Variants in HYAL4 observed in about 807,000 individuals in gnomAD.
The protein encoded by HYAL4 is hyaluronidase-4.
In HYAL4, 37 loss-of-function variants were observed where a neutral mutation model predicts 35.2. The observed-to-expected ratio is 1.05, with a 90% CI of 0.81 to 1.38. HYAL4 has a LOEUF of 1.38. HYAL4 is among the 40% of genes most tolerant of loss of function. HYAL4 has a pLI of 0.00. For missense variants in HYAL4, 572 were observed against 572.4 expected (o/e 1.00, Z 0.01); for synonymous variants, 198 against 203.2 (o/e 0.97, Z 0.22).
At chr7:123,764,409 T>TA in the HYAL4 span, among the ~76,000 whole-genome samples, 1 of 152,236 alleles carries the variant, frequency 6.6e-6, no homozygotes, top group Non-Finnish European at 1.5e-5. Context: ...GAATTGAACT[T>TA]ATTTGTACTT....
chr7:123,839,144 C>T (rs1448491222), intron 1 of HYAL4, among the ~76,000 whole-genome samples: 1 of 152,006 alleles, frequency 6.6e-6, no homozygotes, highest in African/African-American at 2.4e-5. Flanking sequence ...CCAGCTCTCC[C>T]ACCTCTGACA....
chr7:123,834,648 G>A (rs1805936139), intron 1 of HYAL4, among the ~76,000 whole-genome samples: 1 of 152,164 alleles, frequency 6.6e-6, no homozygotes, highest in Admixed American at 6.5e-5. Context: ...GGGCATCCTT[G>A]TCTTGTTCCA....
chr7:123,842,510 G>T (rs113645830), upstream of HYAL4, among the ~76,000 whole-genome samples: 1,505 of 152,056 alleles, frequency 9.9e-3, 49 homozygotes, highest in Non-Finnish European at 0.012. Flanking sequence ...ATGTCTATTA[G>T]GTCTGCTTGT....
intron 2 of HYAL4, among the ~76,000 whole-genome samples, chr7:123,856,138 T>C (rs1806431269): frequency 6.6e-6 from 1 of 152,048 alleles, no homozygotes; most frequent in Admixed American, 6.6e-5. Context: ...TTGCATTAGA[T>C]TAGAACATGC....
chr7:123,832,930 G>A lies in HYAL4; in HGVS notation c.-257+3806G>A, dbSNP rs144569257. On this transcript the variant is annotated intron_variant, in intron 1 of 4. Coordinates refer to the HYAL4 transcript ENST00000489978. ...ATCCAGGTTGTTGCGAATGCCATTA[G>A]TTCATTCCTTTTTAAGGCTGAATAT... Among the ~76,000 whole-genome samples the A allele has an allele frequency of 5.7e-3, 870 of 152,256 alleles. 10 individuals are homozygous for A. The highest frequency in any genetic ancestry group is 0.014 in the Admixed American group (209 of 15,300).
At chr7:123,857,721 C>G (rs1806485224) in intron 2 of HYAL4, among the ~76,000 whole-genome samples, 1 of 147,064 alleles carries the variant, frequency 6.8e-6, no homozygotes, top group African/African-American at 2.5e-5. Flanking sequence ...TTCTTTCTTT[C>G]TTTCTTTCTT....
the HYAL4 span, among the ~76,000 whole-genome samples, chr7:123,769,777 T>G: frequency 6.9e-6 from 1 of 145,812 alleles, no homozygotes; most frequent in Non-Finnish European, 1.5e-5. Flanking sequence ...AATAACCTCA[T>G]AGAGTAATAA....
intron 1 of HYAL4, among the ~76,000 whole-genome samples, chr7:123,847,760 G>A (rs961337937): frequency 6.6e-6 from 1 of 152,076 alleles, no homozygotes; most frequent in African/African-American, 2.4e-5. Flanking sequence ...CCTAGATAAC[G>A]AAGTGAGACT....
intron 2 of HYAL4, among the ~76,000 whole-genome samples, chr7:123,849,329 GTCTC>G (rs1274277575): frequency 1.3e-5 from 2 of 151,332 alleles, no homozygotes; most frequent in Admixed American, 1.3e-4. Context: ...TTGAGACAGG[GTCTC>G]TCTGTCACCC....
chr7:123,844,586 A>G (rs1806137554), upstream of HYAL4, among the ~76,000 whole-genome samples: 1 of 152,168 alleles, frequency 6.6e-6, no homozygotes, highest in South Asian at 2.1e-4. Context: ...AGAGACGTTT[A>G]AGTCTGCAGA....
the HYAL4 span, among the ~76,000 whole-genome samples, chr7:123,764,007 C>G: frequency 2.0e-5 from 3 of 152,316 alleles, no homozygotes; most frequent in South Asian, 6.2e-4. Flanking sequence ...TTTTTTGAGA[C>G]AGTTTCACTC....
chr7:123,763,872 T>C, the HYAL4 span, among the ~76,000 whole-genome samples: 1 of 152,228 alleles, frequency 6.6e-6, no homozygotes, highest in Non-Finnish European at 1.5e-5. Context: ...TGTCAGTACT[T>C]GTAGTTCCCT....
At chr7:123,853,274 A>C (rs1806353059) in intron 2 of HYAL4, among the ~76,000 whole-genome samples, 1 of 152,166 alleles carries the variant, frequency 6.6e-6, no homozygotes, top group South Asian at 2.1e-4. Flanking sequence ...ACTGTGTTGA[A>C]TAGGAGTGGT....
At chr7:123,825,027 A>G (rs957548962), upstream of HYAL4, among the ~76,000 whole-genome samples, 6 of 152,104 alleles carry the variant, frequency 3.9e-5, no homozygotes, top group African/African-American at 9.7e-5. Context: ...AGCCATTTAT[A>G]TATGCTGGAG....
intron 1 of HYAL4, among the ~76,000 whole-genome samples, chr7:123,830,084 T>C (rs1276118634): frequency 1.3e-5 from 2 of 152,162 alleles, no homozygotes; most frequent in African/African-American, 4.8e-5. Flanking sequence ...ACTCCAGTAA[T>C]TGGGGATCCC....
the HYAL4 span, among the ~76,000 whole-genome samples, chr7:123,817,329 G>A: frequency 1.3e-5 from 2 of 151,974 alleles, no homozygotes; most frequent in South Asian, 4.2e-4. Context: ...TTATCGGATG[G>A]GTAACTAAAA....
Position 123,877,257 on chromosome 7 carries a change from T to C in HYAL4, c.*102T>C. 1 of 1,119,658 alleles carries C rather than the reference T, an allele frequency of 8.9e-7. No homozygotes were observed. Among genetic ancestry groups the C allele is most frequent in the Non-Finnish European group, 1.3e-6 (1 of 784,316 alleles). The allele number at this position is 1,119,658 out of a possible 1,614,324, so 69.4% of individuals were successfully genotyped here. A position where few individuals can be genotyped will look rare whatever the true frequency, so the allele number is the denominator to read the frequency against. On this transcript the variant is annotated 3_prime_UTR_variant, in exon 5 of 5. Transcript: ENST00000223026. ...TTCTCTTATGAATTCTATTGAGAGA[T>C]ATTATAAGTAGACATTATGTATGTC...
chr7:123,855,534 C>A (rs778955547), intron 2 of HYAL4, among the ~76,000 whole-genome samples: 18 of 152,168 alleles, frequency 1.2e-4, no homozygotes, highest in Non-Finnish European at 1.9e-4. Flanking sequence ...CCCCCACTTT[C>A]TTCTGGCTTG....
the HYAL4 span, among the ~76,000 whole-genome samples, chr7:123,809,286 AGTTTCTCTGT>A: frequency 6.6e-6 from 1 of 151,644 alleles, no homozygotes; most frequent in Non-Finnish European, 1.5e-5. Context: ...ATCTTCTCTG[AGTTTCTCTGT>A]ATTTTCTTGC....
Sources: allele counts gnomAD v4.1 joint callset (sites outside exome capture counted in the v4.1 genomes callset), GRCh38; gene constraint gnomAD v4.1.1; transcripts MANE v1.5; gene names NCBI Gene and HGNC (gene_info 2026-07-23, HGNC 2026-07-21).